TTC7B: variants seen among roughly 807,000 people sequenced by gnomAD.
TTC7B encodes tetratricopeptide repeat protein 7B.
In TTC7B, 28 loss-of-function variants were observed where a neutral mutation model predicts 106.8. The observed-to-expected ratio is 0.26, with a 90% confidence interval of 0.19 to 0.36. The LOEUF (loss-of-function observed/expected upper bound fraction) is 0.36. TTC7B is among the 10% of genes least tolerant of loss of function. TTC7B has a pLI of 1.00. For synonymous variants in TTC7B, 405 were observed against 430.6 expected (o/e 0.94, Z 0.74); for missense variants, 862 against 1,076.4 (o/e 0.80, Z 2.79).
At chr14:90,796,856 CTTTT>C (rs35291655) in intron 1 of TTC7B, among the ~76,000 whole-genome samples, 3 of 145,406 alleles carry the variant, frequency 2.1e-5, no homozygotes, top group African/African-American at 7.5e-5. Flanking sequence ...TTCTTTTTTT[CTTTT>C]TTTTTTTGAG....
chr14:90,794,207 A>ACTTTTTTT lies in TTC7B; in HGVS notation c.122-7880_122-7879insAAAAAAAG, dbSNP rs1566891563. ...TGTGAGCCACTGCACCTGGCTGGGT[A>ACTTTTTTT]TTTCTTTTTTTTTTTTTTTTTTTTT... is the stretch of plus-strand genomic sequence containing the variant. On this transcript the variant is annotated intron_variant, in intron 1 of 19. Coordinates refer to ENST00000328459, the MANE Select transcript of TTC7B (RefSeq NM_001010854.2). Among the ~76,000 whole-genome samples the ACTTTTTTT allele has an allele frequency of 3.1e-5, 4 of 130,618 alleles. 2 individuals are homozygous for ACTTTTTTT. The highest frequency in any genetic ancestry group is 6.2e-5 in the Non-Finnish European group (4 of 64,768). The allele number at this position is 130,618 out of a possible 152,430, so 85.7% of individuals were successfully genotyped here. A position where few individuals can be genotyped will look rare whatever the true frequency, so the allele number is the denominator to read the frequency against.
intron 4 of TTC7B, among the ~76,000 whole-genome samples, chr14:90,733,506 GA>G: frequency 6.6e-6 from 1 of 152,348 alleles, no homozygotes; most frequent in South Asian, 2.1e-4. Flanking sequence ...GGCTTACCCT[GA>G]AGTCTAAGCA....
chr14:90,737,947 C>G (rs1889609462), intron 4 of TTC7B, among the ~76,000 whole-genome samples: 1 of 152,092 alleles, frequency 6.6e-6, no homozygotes, highest in Non-Finnish European at 1.5e-5. Flanking sequence ...GGAGGCTGGC[C>G]ATAAAATGGG....
At position 90,644,157 on chromosome 14, in the gene TTC7B, C is replaced by T. The variant is rs763661174; in HGVS notation, c.1642G>A (p.Asp548Asn). Reference sequence around the variant, plus strand: ...GCAAGGAGGTGCAGGGAGTTGGCATCGTCACCTTGAAGCTGAAGAGCTTGG... The same window carrying T: ...GCAAGGAGGTGCAGGGAGTTGGCATTGTCACCTTGAAGCTGAAGAGCTTGG... ...VRQALQLQGD[D>N]ANSLHLLALL... Residue 548 changes from aspartate (D) to asparagine (N), a missense_variant, in exon 15 of 20, where the codon GAT becomes AAT. By Grantham distance (23) the Asp-to-Asn change is conservative. Coordinates refer to ENST00000328459, the MANE Select transcript of TTC7B (RefSeq NM_001010854.2). The T allele has an allele frequency of 5.0e-6, 8 of 1,613,352 alleles. No homozygotes were observed. The Admixed American group carries it at 6.7e-5, about 13-fold the overall frequency.
chr14:90,806,036 C>T (rs1456390156), intron 1 of TTC7B, among the ~76,000 whole-genome samples: 1 of 152,142 alleles, frequency 6.6e-6, no homozygotes, highest in African/African-American at 2.4e-5. Context: ...GTACTTGACA[C>T]GAACACAAAA....
At chr14:90,750,093 A>T (rs1014075120) in intron 3 of TTC7B, among the ~76,000 whole-genome samples, 2 of 152,242 alleles carry the variant, frequency 1.3e-5, no homozygotes, top group African/African-American at 4.8e-5. Flanking sequence ...AAATGAACAA[A>T]TTCACCATTT....
chr14:90,626,876 C>G (rs1293892902), intron 15 of TTC7B, among the ~76,000 whole-genome samples: 1 of 152,172 alleles, frequency 6.6e-6, no homozygotes, highest in East Asian at 1.9e-4. Context: ...CGCGTCTTCT[C>G]TAGGAATGAA....
At chr14:90,809,266 A>T (rs1286314) in intron 1 of TTC7B, among the ~76,000 whole-genome samples, 2 of 152,100 alleles carry the variant, frequency 1.3e-5, no homozygotes, top group African/African-American at 4.8e-5. Flanking sequence ...CCCTTAAGCA[A>T]AAGGAAATCT....
chr14:90,585,070 C>T (rs1595179573), intron 18 of TTC7B, among the ~76,000 whole-genome samples: 1 of 152,198 alleles, frequency 6.6e-6, no homozygotes, highest in East Asian at 1.9e-4. Flanking sequence ...TCTTCAAGTG[C>T]CGTCCTACCC....
At chr14:90,804,475 G>A (rs1365669615) in intron 1 of TTC7B, among the ~76,000 whole-genome samples, 1 of 152,222 alleles carries the variant, frequency 6.6e-6, no homozygotes, top group African/African-American at 2.4e-5. Context: ...GAGCAAATGA[G>A]ATCTGGGCCG....
chr14:90,646,940 GA>G lies in TTC7B; in HGVS notation c.1590+10del. 1 of 1,612,954 alleles carries G rather than the reference GA, an allele frequency of 6.2e-7. No homozygotes were observed. The highest frequency in any genetic ancestry group is 8.5e-7 in the Non-Finnish European group (1 of 1,178,870). On this transcript the variant is annotated intron_variant, in intron 14 of 19. Coordinates refer to ENST00000328459, the MANE Select transcript of TTC7B (RefSeq NM_001010854.2). ...AGTGCAGCAAGTATAGGAAACATTA[GA>G]GAAACTGACCTGTCTGGAGATGGCA...
At position 90,608,650 on chromosome 14, in the gene TTC7B, C is replaced by T. The variant is rs1488348453; in HGVS notation, c.1966+2092G>A. On this transcript the variant is annotated intron_variant, in intron 17 of 19. Transcript: ENST00000328459. The surrounding 1 kb of genome is among the most constrained non-coding windows in gnomAD (Gnocchi z 5.1). ...CCAGGCCCAACCCAGGGCAGTGACA[C>T]CGCAGACTGTGTCACACAGGCACAT... Among the ~76,000 whole-genome samples the T allele has an allele frequency of 6.6e-6, 1 of 152,156 alleles. No individual in the cohort carries two copies.
chr14:90,810,512 T>C (rs956034600), intron 1 of TTC7B, among the ~76,000 whole-genome samples: 1 of 152,234 alleles, frequency 6.6e-6, no homozygotes, highest in Non-Finnish European at 1.5e-5. Context: ...TCTGGCACTG[T>C]TTTGTCATCT....
rs1889146453 is a variant in TTC7B, at chr14:90,526,179, CACAA to C, written c.*15185_*15188del. The stretch of plus-strand genomic sequence containing the variant: ...GAGGGTTCCAATTTCCCCACGTCCT[CACAA>C]ACATTTGTTATTGTCTGTCTTTTTG... On this transcript the variant is annotated 3_prime_UTR_variant, in exon 20 of 20. Transcript: ENST00000328459. 1 of 152,148 alleles carries C rather than the reference CACAA, an allele frequency of 6.6e-6. No homozygotes were observed. Among genetic ancestry groups the C allele is most frequent in the African/African-American group, 2.4e-5 (1 of 41,422 alleles). 9.4% of individuals were successfully genotyped at this position (152,148 alleles called of 1,614,324 possible).
chr14:90,700,030 T>C (rs1423066723), intron 5 of TTC7B, among the ~76,000 whole-genome samples: 2 of 152,050 alleles, frequency 1.3e-5, no homozygotes, highest in Non-Finnish European at 2.9e-5. Context: ...ACCAAGACAA[T>C]GAGGGGATAC....
intron 3 of TTC7B, among the ~76,000 whole-genome samples, chr14:90,771,946 A>G (rs1489259781): frequency 7.0e-6 from 1 of 143,576 alleles, no homozygotes; most frequent in East Asian, 2.0e-4. Context: ...ATATGTATAA[A>G]TTTTATATAA....
In TTC7B at chr14:90,535,103, C is replaced by T. The variant is rs1264275617; in HGVS notation, c.*6265G>A. 1 of 152,382 alleles carries T rather than the reference C, an allele frequency of 6.6e-6. No homozygotes were observed. Among genetic ancestry groups the T allele is most frequent in the East Asian group, 1.9e-4 (1 of 5,172 alleles). The allele number at this position is 152,382 out of a possible 1,614,324, so 9.4% of individuals were successfully genotyped here. On this transcript the variant is annotated 3_prime_UTR_variant, in exon 20 of 20. Coordinates refer to ENST00000328459, the MANE Select transcript of TTC7B (RefSeq NM_001010854.2). ...CCTCCTTTCCCCACCGAGGGAGGTCCCCACGCAGCCCTGAGGGTGAGCAGA... is the reference window on the plus strand; with the variant it reads ...CCTCCTTTCCCCACCGAGGGAGGTCTCCACGCAGCCCTGAGGGTGAGCAGA...
intron 1 of TTC7B, among the ~76,000 whole-genome samples, chr14:90,796,668 C>A (rs1354561768): frequency 6.6e-6 from 1 of 152,130 alleles, no homozygotes; most frequent in Non-Finnish European, 1.5e-5. Context: ...TTGACACCAA[C>A]ACAAAAAATT....
chr14:90,703,487 T>G (rs996465647), intron 5 of TTC7B, among the ~76,000 whole-genome samples: 2 of 152,022 alleles, frequency 1.3e-5, no homozygotes, highest in Non-Finnish European at 2.9e-5. Flanking sequence ...TCACTTCCAT[T>G]CAATTGACAG....
Sources: allele counts gnomAD v4.1 joint callset (sites outside exome capture counted in the v4.1 genomes callset), GRCh38; gene constraint gnomAD v4.1.1; non-coding constraint Gnocchi (gnomAD v3.1); transcripts MANE v1.5; gene names NCBI Gene and HGNC (gene_info 2026-07-23, HGNC 2026-07-21).